Variants in CYTH3 observed in about 807,000 individuals in gnomAD.
The protein encoded by CYTH3 is cytohesin 3.
CYTH3 carries 23 observed loss-of-function variants against 55.1 expected under a neutral mutation model. The observed-to-expected ratio is 0.42, with a 90% CI of 0.30 to 0.59. The LOEUF is 0.59. Ranked by LOEUF, CYTH3 falls within the 20% of genes least tolerant of loss-of-function variation. The pLI is 0.20. For synonymous variants in CYTH3, 249 were observed against 194.9 expected (o/e 1.28, Z -2.31); for missense variants, 413 against 524.8 (o/e 0.79, Z 2.08).
chr7:6,243,627 T>C (rs1290060344), intron 1 of CYTH3, among the ~76,000 whole-genome samples: 1 of 152,222 alleles, frequency 6.6e-6, no homozygotes, highest in Non-Finnish European at 1.5e-5. Context: ...CTTAGGTGGC[T>C]TTCAGCTTCT....
chr7:6,235,472 C>CAAAA (rs57661153), intron 1 of CYTH3, among the ~76,000 whole-genome samples: 1 of 93,564 alleles, frequency 1.1e-5, no homozygotes, highest in African/African-American at 3.6e-5. Flanking sequence ...GACTCTATCT[C>CAAAA]AAAAAAAAAA....
intron 1 of CYTH3, among the ~76,000 whole-genome samples, chr7:6,241,423 G>A (rs1417785528): frequency 6.6e-6 from 1 of 152,238 alleles, no homozygotes; most frequent in Admixed American, 6.5e-5. Flanking sequence ...CAGACTACCT[G>A]TTGACAAAAC....
intron 1 of CYTH3, among the ~76,000 whole-genome samples, chr7:6,265,764 G>A (rs746820285): frequency 5.3e-5 from 8 of 152,100 alleles, no homozygotes; most frequent in Non-Finnish European, 8.8e-5. Flanking sequence ...CATGACCTGC[G>A]TGTCAAAGGG....
rs547932599 is a variant in CYTH3 at position 6,166,325 on chromosome 7, T to C, written c.824-515A>G. Among the ~76,000 whole-genome samples, 5 of 152,344 alleles carry C rather than the reference T, an allele frequency of 3.3e-5. No homozygotes were observed. In the South Asian group the frequency reaches 1.0e-3, roughly 32 times the overall value. ...CCATCTGTACCTGCCCTCCTCTCCC[T>C]AAGGGAAGGAAATCTCTGATCCTTA... On this transcript the variant is annotated intron_variant, in intron 9 of 12. Coordinates refer to ENST00000350796, the MANE Select transcript of CYTH3 (RefSeq NM_004227.4).
chr7:6,166,907 G>A (rs1160788787), intron 9 of CYTH3, among the ~76,000 whole-genome samples: 1 of 152,144 alleles, frequency 6.6e-6, no homozygotes, highest in Non-Finnish European at 1.5e-5. Flanking sequence ...TCTCATCAGT[G>A]TCCCACCAGC....
At chr7:6,188,629 G>A (rs906264293) in intron 2 of CYTH3, 8 of 152,292 alleles carry the variant, frequency 5.3e-5, no homozygotes, top group Non-Finnish European at 1.2e-4. Flanking sequence ...CTGACTCAGG[G>A]CACTCAGAGA....
intron 4 of CYTH3, among the ~76,000 whole-genome samples, chr7:6,185,006 G>T (rs1045851222): frequency 3.3e-5 from 5 of 152,226 alleles, no homozygotes; most frequent in Admixed American, 2.0e-4. Flanking sequence ...ATAAGACCCA[G>T]TTCTGAGCAC....
intron 1 of CYTH3, among the ~76,000 whole-genome samples, chr7:6,229,648 GAAA>G (rs35933979): frequency 9.2e-6 from 1 of 108,626 alleles, no homozygotes; most frequent in Non-Finnish European, 1.9e-5. Context: ...CGTCTCTACT[GAAA>G]AAAAAAAAAA....
chr7:6,172,176 A>G (rs1431708486), intron 6 of CYTH3: 1 of 152,346 alleles, frequency 6.6e-6, no homozygotes, highest in East Asian at 1.9e-4. Context: ...TAAAATACTG[A>G]TCCCACCAGC....
rs1780696148 is a variant in CYTH3 at position 6,272,562 on chromosome 7, G to A, written c.-55C>T. 2.4e-6 allele frequency: 3 copies of A among 1,227,108 alleles called. No individual in the cohort carries two copies. The highest frequency in any genetic ancestry group is 4.4e-5 in the South Asian group (2 of 45,628). The allele number at this position is 1,227,108 out of a possible 1,614,324, so 76.0% of individuals were successfully genotyped here. A position where few individuals can be genotyped will look rare whatever the true frequency, so the allele number is the denominator to read the frequency against. On this transcript the variant is annotated 5_prime_UTR_variant, in exon 1 of 13. Transcript: ENST00000350796. Reference sequence around the variant, plus strand: ...GGGGGCCGGCAGCAGAGGGGCCGCGGGCTGGGGACGCCGCCGGAGGGAGCG... The same window carrying A: ...GGGGGCCGGCAGCAGAGGGGCCGCGAGCTGGGGACGCCGCCGGAGGGAGCG...
intron 1 of CYTH3, among the ~76,000 whole-genome samples, chr7:6,258,924 G>A (rs1338420563): frequency 2.0e-5 from 3 of 152,138 alleles, no homozygotes; most frequent in Non-Finnish European, 4.4e-5. Flanking sequence ...AATAATAAAT[G>A]CAACCCAGAT....
Position 6,171,245 on chromosome 7 carries a change from A to C in CYTH3, c.519T>G (p.Ala173=). 1 of 1,614,180 alleles carries C rather than the reference A, an allele frequency of 6.2e-7. No homozygotes were observed. The highest frequency in any genetic ancestry group is 1.1e-5 in the South Asian group (1 of 91,088). The part of the protein sequence containing the change: ...QKIDRMMEAF[A]SRYCLCNPGV... Reference sequence around the variant, plus strand: ...CGGGGTTGCACAGGCAGTAGCGAGAAGCGAAAGCCTCCATCATGCGATCAA... The same window carrying C: ...CGGGGTTGCACAGGCAGTAGCGAGACGCGAAAGCCTCCATCATGCGATCAA... Residue 173 remains alanine (A), a synonymous_variant, in exon 7 of 13, where the codon GCT becomes GCG. Transcript: ENST00000350796. The surrounding 1 kb of genome is among the most constrained non-coding windows in gnomAD (Gnocchi z 6.7).
chr7:6,202,308 G>C (rs34123833), intron 1 of CYTH3, among the ~76,000 whole-genome samples: 1 of 152,168 alleles, frequency 6.6e-6, no homozygotes, highest in Non-Finnish European at 1.5e-5. Flanking sequence ...GGCCCCAGAC[G>C]AACGCGTAAG....
chr7:6,174,564 T>C (rs1342442782), intron 5 of CYTH3, among the ~76,000 whole-genome samples: 350 of 145,454 alleles, frequency 2.4e-3, no homozygotes, highest in African/African-American at 5.5e-3. Context: ...TTTTTTTTTT[T>C]CCAGACAGAG....
chr7:6,210,260 G>C (rs1223612311), intron 1 of CYTH3, among the ~76,000 whole-genome samples: 1 of 152,108 alleles, frequency 6.6e-6, no homozygotes, highest in East Asian at 1.9e-4. Context: ...ATCTAAATTA[G>C]TTCTAAAAAC....
intron 1 of CYTH3, among the ~76,000 whole-genome samples, chr7:6,210,252 C>T (rs1395371023): frequency 1.3e-5 from 2 of 152,246 alleles, no homozygotes; most frequent in Middle Eastern, 3.4e-3. Context: ...TTATGTAAAT[C>T]TAAATTAGTT....
chr7:6,198,570 G>C (rs1029728319), intron 1 of CYTH3, among the ~76,000 whole-genome samples: 5 of 152,192 alleles, frequency 3.3e-5, no homozygotes, highest in African/African-American at 9.7e-5. Context: ...TCTAAGGCTT[G>C]GATTCACTTA....
intron 1 of CYTH3, among the ~76,000 whole-genome samples, chr7:6,194,933 T>C (rs1173150686): frequency 6.6e-6 from 1 of 151,928 alleles, no homozygotes; most frequent in Non-Finnish European, 1.5e-5. Flanking sequence ...CGAGATCGCG[T>C]CATTGCACTC....
Position 6,171,416 on chromosome 7 carries a change from G to T in CYTH3, c.450-102C>A. 2 of 1,038,924 alleles carry T rather than the reference G, an allele frequency of 1.9e-6. No individual in the cohort carries two copies. Among genetic ancestry groups the T allele is most frequent in the Non-Finnish European group, 2.9e-6 (2 of 689,394 alleles). 64.4% of individuals were successfully genotyped at this position (1,038,924 alleles called of 1,614,324 possible). On this transcript the variant is annotated intron_variant, in intron 6 of 12. Transcript: ENST00000350796. This position sits in a 1 kb window ranked among gnomAD's most constrained non-coding sequence, Gnocchi z 6.7. Reference sequence around the variant, plus strand: ...CTCAGGAAGGACGTTTTCCTCCCGAGCCTGGGGTACAGCTCTGGCAGGGGC... The same window carrying T: ...CTCAGGAAGGACGTTTTCCTCCCGATCCTGGGGTACAGCTCTGGCAGGGGC...
Sources: gnomAD v4.1 joint callset for allele counts (sites outside exome capture counted in the v4.1 genomes callset) on GRCh38, gnomAD v4.1.1 for gene constraint, Gnocchi (gnomAD v3.1) non-coding constraint, MANE v1.5 for transcripts, NCBI Gene and HGNC (gene_info 2026-07-23, HGNC 2026-07-21) for gene names.